Variants in DLG2 observed in about 807,000 individuals in gnomAD.
DLG2 encodes the protein disks large homolog 2.
A neutral mutation model predicts 132.5 loss-of-function variants in DLG2; 45 were observed. The ratio of observed to expected loss-of-function variants is 0.34; its 90% CI spans 0.27 to 0.44. The LOEUF is 0.44. DLG2 is among the 20% of genes least tolerant of loss of function. The pLI is 1.00. For missense variants in DLG2, 1,045 were observed against 1,196.9 expected, an observed-to-expected ratio of 0.87 and a Z score of 1.87; for synonymous variants, 424 against 419.6, an observed-to-expected ratio of 1.01 and a Z score of -0.13.
chr11:83,544,409 A>G lies in DLG2; in HGVS notation c.1941-2551T>C, dbSNP rs532800727. 2.6e-5 allele frequency among the ~76,000 whole-genome samples: 4 copies of G among 152,302 alleles called. No homozygotes were observed. The East Asian group carries it at 7.7e-4, about 29-fold the overall frequency. ...GTGACTCAATCAGTTGCTGTGAAGA[A>G]GGTATGACAGACATAGTACTATCCT... On this transcript the variant is annotated intron_variant, in intron 19 of 27. Transcript: ENST00000376104.
intron 4 of DLG2, among the ~76,000 whole-genome samples, chr11:85,156,844 C>T (rs2077623359): frequency 2.0e-5 from 3 of 152,286 alleles, no homozygotes; most frequent in South Asian, 4.1e-4. Flanking sequence ...GATCAGAGCC[C>T]TTATTCATTG....
Position 84,859,777 on chromosome 11 carries a change from C to T in DLG2, c.357+251884G>A, listed in dbSNP as rs187661448. ...TCCTCAGCACCATATAATTTAACATCCACTGCTGATAATAACAGTCATGAA... is the reference window on the plus strand; with the variant it reads ...TCCTCAGCACCATATAATTTAACATTCACTGCTGATAATAACAGTCATGAA... On this transcript the variant is annotated intron_variant, in intron 6 of 27. Coordinates refer to ENST00000376104, the MANE Select transcript of DLG2 (RefSeq NM_001142699.3). Among the ~76,000 whole-genome samples, 358 of 151,918 alleles carry T rather than the reference C, an allele frequency of 2.4e-3. 2 individuals are homozygous for T. Among genetic ancestry groups the T allele is most frequent in the Non-Finnish European group, 4.1e-3 (280 of 67,832 alleles).
intron 22 of DLG2, among the ~76,000 whole-genome samples, chr11:83,473,270 T>C (rs1359125054): frequency 1.3e-5 from 2 of 152,198 alleles, no homozygotes; most frequent in African/African-American, 4.8e-5. Flanking sequence ...CTCAGGGTTT[T>C]ACTCTAATAT....
At chr11:83,791,064 C>T (rs549635151) in intron 17 of DLG2, 8 of 708,786 alleles carry the variant, frequency 1.1e-5, no homozygotes, top group South Asian at 3.5e-5. Flanking sequence ...GAAATCCTTT[C>T]GGACGCCATT....
At chr11:83,517,597 C>G (rs2095341235) in intron 21 of DLG2, among the ~76,000 whole-genome samples, 1 of 152,202 alleles carries the variant, frequency 6.6e-6, no homozygotes, top group Non-Finnish European at 1.5e-5. Flanking sequence ...GAGAGGTGAT[C>G]TGATTCTTAG....
intron 3 of DLG2, among the ~76,000 whole-genome samples, chr11:85,340,503 G>C (rs2082412420): frequency 1.3e-5 from 2 of 152,172 alleles, no homozygotes; most frequent in Admixed American, 6.5e-5. Context: ...GGTGGGGGCT[G>C]GGGGAGGGAT....
chr11:85,513,995 C>T (rs1207483723), intron 3 of DLG2, among the ~76,000 whole-genome samples: 1 of 151,878 alleles, frequency 6.6e-6, no homozygotes, highest in Admixed American at 6.6e-5. Flanking sequence ...ATTTAGTTTT[C>T]TCTTGAACAC....
intron 17 of DLG2, among the ~76,000 whole-genome samples, chr11:83,827,549 A>G (rs1049905234): frequency 2.0e-5 from 3 of 152,186 alleles, no homozygotes; most frequent in African/African-American, 4.8e-5. Context: ...CATATTCCCA[A>G]TCACGTATCT....
chr11:85,151,533 A>G (rs931002111), intron 5 of DLG2, among the ~76,000 whole-genome samples: 1 of 152,162 alleles, frequency 6.6e-6, no homozygotes, highest in Non-Finnish European at 1.5e-5. Flanking sequence ...AGTCTTACTT[A>G]TATCTTTAAT....
chr11:85,178,890 C>T (rs992039137), intron 4 of DLG2, among the ~76,000 whole-genome samples: 1 of 151,790 alleles, frequency 6.6e-6, no homozygotes, highest in Non-Finnish European at 1.5e-5. Flanking sequence ...GTCCAATATA[C>T]ATCTTCTCAG....
chr11:85,523,149 T>C (rs1176661377), intron 3 of DLG2, among the ~76,000 whole-genome samples: 5 of 152,222 alleles, frequency 3.3e-5, no homozygotes, highest in Non-Finnish European at 7.3e-5. Context: ...GCTATTCTCA[T>C]GACAATGAAT....
chr11:83,830,694 G>A (rs1489020563), intron 17 of DLG2, among the ~76,000 whole-genome samples: 23 of 152,214 alleles, frequency 1.5e-4, no homozygotes, highest in Admixed American at 1.5e-3. Flanking sequence ...TGTGCTGAGA[G>A]GAGAAAGAAC....
chr11:85,207,958 T>C (rs1184083105), intron 4 of DLG2, among the ~76,000 whole-genome samples: 5 of 152,112 alleles, frequency 3.3e-5, no homozygotes, highest in Non-Finnish European at 5.9e-5. Context: ...CAAGAAGCCC[T>C]TCCAGGCATT....
intron 8 of DLG2, among the ~76,000 whole-genome samples, chr11:84,221,337 G>C (rs968764279): frequency 1.3e-5 from 2 of 151,928 alleles, no homozygotes; most frequent in African/African-American, 4.8e-5. Context: ...GGTGGCACGC[G>C]CCTGTAGTCC....
chr11:84,018,005 C>G (rs75034024), intron 11 of DLG2, among the ~76,000 whole-genome samples: 2,505 of 152,010 alleles, frequency 0.016, 70 homozygotes, highest in African/African-American at 0.056. Context: ...TGCAGTGTCT[C>G]TATATCCATT....
rs540863449 is a variant in DLG2, at chr11:85,060,440, T to TAC, written c.357+51219_357+51220dup. Among the ~76,000 whole-genome samples the TAC allele has an allele frequency of 6.0e-5, 9 of 150,872 alleles. No homozygotes were observed. In the South Asian group the frequency reaches 1.7e-3, roughly 28 times the overall value. ...GTGTGTATATATATGTGTATATATA[T>TAC]ACACGCATATGCATATGTGTGTGTG... On this transcript the variant is annotated intron_variant, in intron 6 of 27. Transcript: ENST00000376104.
At chr11:85,491,202 C>T (rs1327146590) in intron 3 of DLG2, among the ~76,000 whole-genome samples, 2 of 151,954 alleles carry the variant, frequency 1.3e-5, no homozygotes, top group South Asian at 2.1e-4. Flanking sequence ...ATAGAAAAGG[C>T]ATTTGATAAA....
chr11:84,759,889 C>T (rs2153855974), intron 6 of DLG2, among the ~76,000 whole-genome samples: 1 of 151,708 alleles, frequency 6.6e-6, no homozygotes, highest in South Asian at 2.1e-4. Context: ...CCAAAATTGT[C>T]TTGTAGTAAC....
chr11:84,279,846 A>T (rs1422733166), intron 7 of DLG2, among the ~76,000 whole-genome samples: 1 of 152,164 alleles, frequency 6.6e-6, no homozygotes, highest in African/African-American at 2.4e-5. Context: ...AATTAGGAGC[A>T]TTTATTAACT....
Sources: allele counts gnomAD v4.1 joint callset (sites outside exome capture counted in the v4.1 genomes callset), GRCh38; gene constraint gnomAD v4.1.1; transcripts MANE v1.5; gene names NCBI Gene and HGNC (gene_info 2026-07-23, HGNC 2026-07-21).